Variants in IQCB1 observed in about 807,000 individuals in gnomAD.
IQCB1 encodes IQ motif containing B1.
A neutral mutation model predicts 84.4 loss-of-function variants in IQCB1; 56 were observed. That is an observed-to-expected ratio of 0.66 (90% CI 0.54 to 0.83). IQCB1 has a LOEUF of 0.83. IQCB1 is among the 40% of genes least tolerant of loss of function. IQCB1 has a pLI of 0.00. For missense variants in IQCB1, 629 were observed against 682.1 expected, an observed-to-expected ratio of 0.92 and a Z score of 0.87; for synonymous variants, 210 against 234.8, an observed-to-expected ratio of 0.89 and a Z score of 0.96.
intron 5 of IQCB1, among the ~76,000 whole-genome samples, chr3:121,811,391 T>G (rs147809927): frequency 1.8e-3 from 271 of 152,248 alleles, no homozygotes; most frequent in African/African-American, 6.3e-3. Context: ...TGTACCTCAG[T>G]GGTGGCTAAA....
At chr3:121,811,704 C>A (rs567708923) in intron 5 of IQCB1, among the ~76,000 whole-genome samples, 24 of 152,258 alleles carry the variant, frequency 1.6e-4, no homozygotes, top group Non-Finnish European at 3.4e-4. Flanking sequence ...GCAGCTGTGG[C>A]CAGACTGCCT....
chr3:121,782,419 A>G (rs1022390478), intron 12 of IQCB1, among the ~76,000 whole-genome samples: 1 of 152,222 alleles, frequency 6.6e-6, no homozygotes. Flanking sequence ...TATTTTCATC[A>G]AAGTTACATG....
Position 121,799,206 on chromosome 3 carries a change from G to A in IQCB1, c.756C>T (p.Thr252=). 6.2e-7 allele frequency: 1 copy of A among 1,607,254 alleles called. No homozygotes were observed. The highest frequency in any genetic ancestry group is 8.5e-7 in the Non-Finnish European group (1 of 1,175,790). Residue 252 remains threonine (T), a synonymous_variant, in exon 8 of 15, where the codon ACC becomes ACT. Transcript: ENST00000310864. The part of the protein sequence containing the change: ...QEILILLRQS[T]CYKGLRRLLS... ...GAATGAATGTACTACCTTTGTAGCA[G>A]GTACTTTGTCTCAGTAAAATCAAAA...
chr3:121,790,784 C>CA (rs544862103), intron 10 of IQCB1, among the ~76,000 whole-genome samples: 12 of 83,928 alleles, frequency 1.4e-4, no homozygotes, highest in African/African-American at 5.2e-4. Flanking sequence ...TTTACTTACA[C>CA]AAAAAAAAAA....
intron 7 of IQCB1, among the ~76,000 whole-genome samples, chr3:121,805,728 G>A (rs12634032): frequency 0.17 from 25,543 of 152,114 alleles, 2,750 homozygotes; most frequent in Middle Eastern, 0.29. Flanking sequence ...TCCTTGCACT[G>A]TTCCTTTTAA....
chr3:121,822,164 C>T (rs1048100933), intron 5 of IQCB1, among the ~76,000 whole-genome samples: 3 of 152,222 alleles, frequency 2.0e-5, no homozygotes, highest in Non-Finnish European at 2.9e-5. Flanking sequence ...TAAACTCAGA[C>T]TATACCATCA....
intron 13 of IQCB1, among the ~76,000 whole-genome samples, chr3:121,779,064 T>C (rs984877272): frequency 3.9e-5 from 6 of 152,030 alleles, no homozygotes; most frequent in Non-Finnish European, 5.9e-5. Flanking sequence ...GAACTTAAAG[T>C]ATAATAAAAA....
chr3:121,779,468 C>T (rs1948383370), intron 13 of IQCB1, among the ~76,000 whole-genome samples: 1 of 152,092 alleles, frequency 6.6e-6, no homozygotes, highest in Admixed American at 6.5e-5. Flanking sequence ...AAGTTTTTAT[C>T]TCTAGGAGTT....
At chr3:121,782,268 A>G (rs1310982110) in intron 12 of IQCB1, among the ~76,000 whole-genome samples, 1 of 152,258 alleles carries the variant, frequency 6.6e-6, no homozygotes, top group Non-Finnish European at 1.5e-5. Flanking sequence ...CCAAGGAGAC[A>G]GTATATTTCT....
rs1267789103 is a variant in IQCB1 at position 121,781,612 on chromosome 3, C to T, written c.1410+131G>A. 1.1e-5 allele frequency: 10 copies of T among 920,090 alleles called. No individual in the cohort carries two copies. The Admixed American group carries it at 1.3e-4, about 12-fold the overall frequency. 57.0% of individuals were successfully genotyped at this position (920,090 alleles called of 1,614,324 possible). On this transcript the variant is annotated intron_variant, in intron 13 of 14. Coordinates refer to ENST00000310864, the MANE Select transcript of IQCB1 (RefSeq NM_001023570.4). ...CTTCTATGGTAAAGCCAATGCATTACCTTATACCAGCAATAAATGTACACA... is the reference window on the plus strand; with the variant it reads ...CTTCTATGGTAAAGCCAATGCATTATCTTATACCAGCAATAAATGTACACA...
chr3:121,823,723 T>C (rs571032946), intron 5 of IQCB1, among the ~76,000 whole-genome samples: 2 of 152,198 alleles, frequency 1.3e-5, no homozygotes, highest in Non-Finnish European at 2.9e-5. Flanking sequence ...AAGGAGGTTG[T>C]CAGGCTTAAA....
chr3:121,823,781 C>T (rs1166352117), intron 5 of IQCB1, among the ~76,000 whole-genome samples: 1 of 152,118 alleles, frequency 6.6e-6, no homozygotes, highest in Non-Finnish European at 1.5e-5. Context: ...GGAATAAAGA[C>T]AACCAGACAT....
At chr3:121,771,037 T>C (rs919292440) in intron 14 of IQCB1, among the ~76,000 whole-genome samples, 5 of 152,208 alleles carry the variant, frequency 3.3e-5, no homozygotes, top group Non-Finnish European at 7.3e-5. Context: ...CATGGCACGA[T>C]CTCGGCTCAC....
chr3:121,825,832 T>A (rs1412590336), intron 5 of IQCB1, among the ~76,000 whole-genome samples: 1 of 152,212 alleles, frequency 6.6e-6, no homozygotes, highest in African/African-American at 2.4e-5. Context: ...ACAAGTAAAG[T>A]AGCAAGGCAG....
chr3:121,777,866 T>C (rs1359788185), intron 13 of IQCB1, among the ~76,000 whole-genome samples: 1 of 152,134 alleles, frequency 6.6e-6, no homozygotes, highest in Non-Finnish European at 1.5e-5. Context: ...TTTTTCATTG[T>C]TTGTTGACCA....
chr3:121,773,920 T>C (rs4676746), intron 13 of IQCB1, among the ~76,000 whole-genome samples: 96,892 of 150,720 alleles, frequency 0.64, 31,525 homozygotes, highest in African/African-American at 0.71. Context: ...ATGAACTTCA[T>C]CAAAATTAAA....
In IQCB1 at chr3:121,795,485, C is replaced by A. The variant is rs775232189; in HGVS notation, c.958G>T (p.Ala320Ser). Residue 320 changes from alanine to serine, a missense_variant, in exon 10 of 15, where the codon GCT becomes TCT. Coordinates refer to ENST00000310864, the MANE Select transcript of IQCB1 (RefSeq NM_001023570.4). The part of the protein sequence containing the change: ...TRKRLKKLPS[A>S]VIALQRSFRS... ...AAACTCCTCTGCAAAGCAATCACAGCAGATGGAAGCTTCTTTAATCTCTTT... is the reference window on the plus strand; with the variant it reads ...AAACTCCTCTGCAAAGCAATCACAGAAGATGGAAGCTTCTTTAATCTCTTT... 3.7e-6 allele frequency: 6 copies of A among 1,604,824 alleles called. No homozygotes were observed. The highest frequency in any genetic ancestry group is 8.5e-7 in the Non-Finnish European group (1 of 1,173,142).
intron 12 of IQCB1, among the ~76,000 whole-genome samples, chr3:121,782,389 G>A (rs866525100): frequency 6.6e-6 from 1 of 152,206 alleles, no homozygotes; most frequent in South Asian, 2.1e-4. Flanking sequence ...TTTTCACTCT[G>A]CTCATGTCTT....
intron 10 of IQCB1, among the ~76,000 whole-genome samples, chr3:121,795,213 C>T (rs1208062729): frequency 1.3e-5 from 2 of 151,858 alleles, no homozygotes; most frequent in African/African-American, 2.4e-5. Context: ...AGGCTTGGCC[C>T]CTCCCCAAAT....
Sources: allele counts gnomAD v4.1 joint callset (sites outside exome capture counted in the v4.1 genomes callset), GRCh38; gene constraint gnomAD v4.1.1; transcripts MANE v1.5; gene names NCBI Gene and HGNC (gene_info 2026-07-23, HGNC 2026-07-21).